Variants in EBF1 observed in about 807,000 individuals in gnomAD.
EBF1 encodes EBF transcription factor 1.
In EBF1, 10 loss-of-function variants were observed where a neutral mutation model predicts 68.4. That is an observed-to-expected ratio of 0.15 (90% CI 0.09 to 0.25). The LOEUF (loss-of-function observed/expected upper bound fraction) is 0.25, where lower values mean the gene tolerates loss of function less well. EBF1 is among the 10% of genes least tolerant of loss of function. EBF1 has a pLI of 1.00. For missense variants in EBF1, 509 were observed against 794.4 expected (o/e 0.64, Z 4.32); for synonymous variants, 298 against 299.8 (o/e 0.99, Z 0.06).
intron 11 of EBF1, among the ~76,000 whole-genome samples, chr5:158,724,481 C>G (rs1490549203): frequency 2.0e-5 from 3 of 152,166 alleles, no homozygotes; most frequent in Admixed American, 6.6e-5. Flanking sequence ...TGTATTTTCA[C>G]TGATGCAACT....
intron 6 of EBF1, among the ~76,000 whole-genome samples, chr5:159,061,087 A>T (rs1026394343): frequency 2.0e-5 from 3 of 152,112 alleles, no homozygotes; most frequent in African/African-American, 7.2e-5. Context: ...TTGAGGCAAA[A>T]TTAAAGATGC....
intron 11 of EBF1, among the ~76,000 whole-genome samples, chr5:158,720,109 A>T (rs1761617810): frequency 6.6e-6 from 1 of 152,208 alleles, no homozygotes; most frequent in African/African-American, 2.4e-5. Flanking sequence ...TGAAATGAGA[A>T]AATCACTCTT....
intron 6 of EBF1, among the ~76,000 whole-genome samples, chr5:158,966,949 T>A (rs1754288189): frequency 6.6e-6 from 1 of 152,202 alleles, no homozygotes; most frequent in South Asian, 2.1e-4. Context: ...AGGGCAGATG[T>A]CAAGTATATG....
intron 10 of EBF1, among the ~76,000 whole-genome samples, chr5:158,738,521 A>G (rs1192653713): frequency 6.6e-6 from 1 of 152,222 alleles, no homozygotes; most frequent in Non-Finnish European, 1.5e-5. Context: ...AACAGTCACA[A>G]TGATTCCTTG....
At chr5:158,700,318 A>G (rs1756453116) in intron 15 of EBF1, among the ~76,000 whole-genome samples, 1 of 152,262 alleles carries the variant, frequency 6.6e-6, no homozygotes, top group Admixed American at 6.5e-5. Context: ...TCAAAGTGAG[A>G]GAGATGCTGA....
chr5:158,821,231 C>T (rs548921978), intron 8 of EBF1, among the ~76,000 whole-genome samples: 41 of 152,258 alleles, frequency 2.7e-4, no homozygotes, highest in South Asian at 1.2e-3. Context: ...GCGATTTGTC[C>T]AAGGTCAAAT....
At chr5:158,858,062 T>A (rs1373368342) in intron 6 of EBF1, among the ~76,000 whole-genome samples, 4 of 152,156 alleles carry the variant, frequency 2.6e-5, no homozygotes, top group Non-Finnish European at 2.9e-5. Flanking sequence ...TGAATAAGCA[T>A]AAAAGGTGCA....
chr5:158,914,777 G>A (rs1391867644), intron 6 of EBF1, among the ~76,000 whole-genome samples: 3 of 152,162 alleles, frequency 2.0e-5, no homozygotes, highest in Admixed American at 6.5e-5. Context: ...TGGCCCCGGT[G>A]TTTGTTGAAC....
intron 10 of EBF1, among the ~76,000 whole-genome samples, chr5:158,744,678 C>T (rs1767160210): frequency 6.6e-6 from 1 of 152,142 alleles, no homozygotes; most frequent in African/African-American, 2.4e-5. Context: ...CCAATTGTAG[C>T]TTAGCTTATC....
In EBF1 at chr5:158,969,919, A is replaced by AGAGG. The variant is rs199980397; in HGVS notation, c.554+103476_554+103477insCCTC. On this transcript the variant is annotated intron_variant, in intron 6 of 15. Coordinates refer to ENST00000313708, the MANE Select transcript of EBF1 (RefSeq NM_024007.5). ...AAGAAAGAAAGAAAGAAAGAAAGAAAAAAAAAAAAAAGGCTGCTGGAAGTT... is the reference window on the plus strand; with the variant it reads ...AAGAAAGAAAGAAAGAAAGAAAGAAAGAGGAAAAAAAAAAAGGCTGCTGGAAGTT... Among the ~76,000 whole-genome samples, 9 of 60,176 alleles carry AGAGG rather than the reference A, an allele frequency of 1.5e-4. 1 individual carries two copies. The highest frequency in any genetic ancestry group is 3.3e-4 in the Non-Finnish European group (9 of 27,656). 39.5% of individuals were successfully genotyped at this position (60,176 alleles called of 152,430 possible).
intron 6 of EBF1, among the ~76,000 whole-genome samples, chr5:159,068,345 C>A (rs1019951746): frequency 2.0e-5 from 3 of 151,250 alleles, no homozygotes; most frequent in Admixed American, 6.6e-5. Flanking sequence ...CCACACCCGA[C>A]CCAATGGTAA....
At chr5:158,837,809 A>G (rs1789171310) in intron 7 of EBF1, among the ~76,000 whole-genome samples, 1 of 152,134 alleles carries the variant, frequency 6.6e-6, no homozygotes, top group Non-Finnish European at 1.5e-5. Context: ...CTGCCCTAAG[A>G]GGTACAGCAG....
At chr5:159,028,236 G>T (rs1254907089) in intron 6 of EBF1, among the ~76,000 whole-genome samples, 1 of 152,132 alleles carries the variant, frequency 6.6e-6, no homozygotes, top group Non-Finnish European at 1.5e-5. Flanking sequence ...GGCAATAGGA[G>T]GACTTGGGGT....
rs145357787 is a variant in EBF1 at position 158,994,588 on chromosome 5, G to A, written c.554+78808C>T. ...AGTATAATATTTCTTGGAACTCTACGCCTAAGATTTTGCCTGGCTTTAACA... is the reference window on the plus strand; with the variant it reads ...AGTATAATATTTCTTGGAACTCTACACCTAAGATTTTGCCTGGCTTTAACA... On this transcript the variant is annotated intron_variant, in intron 6 of 15. Transcript: ENST00000313708. 2.8e-3 allele frequency among the ~76,000 whole-genome samples: 421 copies of A among 152,224 alleles called. 1 individual carries two copies. Among genetic ancestry groups the A allele is most frequent in the African/African-American group, 9.3e-3 (388 of 41,512 alleles).
intron 6 of EBF1, among the ~76,000 whole-genome samples, chr5:158,842,583 C>T (rs62385360): frequency 0.33 from 50,188 of 152,092 alleles, 9,010 homozygotes; most frequent in South Asian, 0.58. Context: ...CTTCTCTGCA[C>T]CACACTTTCC....
intron 7 of EBF1, among the ~76,000 whole-genome samples, chr5:158,838,835 A>G (rs1249674376): frequency 6.6e-6 from 1 of 152,246 alleles, no homozygotes; most frequent in Non-Finnish European, 1.5e-5. Flanking sequence ...ATATGAGCAT[A>G]CATAAATGGA....
intron 6 of EBF1, among the ~76,000 whole-genome samples, chr5:159,006,348 G>C (rs567161928): frequency 1.0e-3 from 154 of 152,082 alleles, no homozygotes; most frequent in Admixed American, 2.6e-3. Flanking sequence ...GACACCATGA[G>C]TCCTTCACCC....
intron 6 of EBF1, among the ~76,000 whole-genome samples, chr5:159,058,257 G>C (rs1775142395): frequency 6.6e-6 from 1 of 152,212 alleles, no homozygotes; most frequent in African/African-American, 2.4e-5. Context: ...GATGTAGGAG[G>C]GAGAATGAGT....
rs1562086373 is a variant in EBF1 at position 158,840,662 on chromosome 5, T to G, written c.555-552A>C. ...TACCTCCTGTTTTTTTTTTTTTTTT[T>G]TTTTTTTTTTGTTTTTTTTTTTTTT... On this transcript the variant is annotated intron_variant, in intron 6 of 15. Transcript: ENST00000313708. Among the ~76,000 whole-genome samples, 531 of 83,922 alleles carry G rather than the reference T, an allele frequency of 6.3e-3. 2 individuals are homozygous for G. Among genetic ancestry groups the G allele is most frequent in the Non-Finnish European group, 9.4e-3 (366 of 38,808 alleles). The allele number at this position is 83,922 out of a possible 152,430, so 55.1% of individuals were successfully genotyped here.
Sources: gnomAD v4.1 joint callset for allele counts (sites outside exome capture counted in the v4.1 genomes callset) on GRCh38, gnomAD v4.1.1 for gene constraint, MANE v1.5 for transcripts, NCBI Gene and HGNC (gene_info 2026-07-23, HGNC 2026-07-21) for gene names.